Variants in MYBBP1A observed in about 807,000 individuals in gnomAD.
MYBBP1A encodes the protein MYB binding protein 1a.
In MYBBP1A, 147 loss-of-function variants were observed where a neutral mutation model predicts 136.3. The ratio of observed to expected loss-of-function variants is 1.08; its 90% confidence interval spans 0.94 to 1.24. The LOEUF (loss-of-function observed/expected upper bound fraction) is 1.24. Ranked by LOEUF, MYBBP1A falls within the 50% of genes most tolerant of loss-of-function variation. The pLI, the probability that MYBBP1A is intolerant of heterozygous loss-of-function variation, is 0.00. For missense variants in MYBBP1A, 2,060 were observed against 1,727.4 expected (o/e 1.19, Z -3.41); for synonymous variants, 947 against 735.8 (o/e 1.29, Z -4.65).
At position 4,545,006 on chromosome 17, in the gene MYBBP1A, C is replaced by G. The variant is rs375252504; in HGVS notation, c.2310+20G>C. On this transcript the variant is annotated intron_variant, in intron 17 of 25. Transcript: ENST00000254718. ...CCCGAGCCCTCCCCGGCCGCCCCCC[C>G]CTCCACCTCCCCCACTCACCAGCGC... is the stretch of plus-strand genomic sequence containing the variant. 3.2e-5 allele frequency: 48 copies of G among 1,477,898 alleles called. 1 individual carries two copies. The highest frequency in any genetic ancestry group is 6.6e-5 in the South Asian group (5 of 76,080). The allele number at this position is 1,477,898 out of a possible 1,614,324, so 91.5% of individuals were successfully genotyped here.
Position 4,554,019 on chromosome 17 carries a change from C to G in MYBBP1A, c.453G>C (p.Lys151Asn). The G allele has an allele frequency of 3.1e-6, 5 of 1,614,086 alleles. No homozygotes were observed. The highest frequency in any genetic ancestry group is 4.2e-6 in the Non-Finnish European group (5 of 1,180,028). ...LALFQSGRLV[K>N]DQEALMKSVK... ...CCCCCAGTCCCTCCAAAGCTCTTAC[C>G]TTCACCAGCCGACCTGACTGAAAGA... Residue 151 changes from lysine (K) to asparagine (N), a missense_variant and splice_region_variant, in exon 4 of 26, where the codon AAG (lysine) becomes AAC (asparagine). By Grantham distance (94) the Lys-to-Asn change is moderately conservative. Transcript: ENST00000254718.
chr17:4,554,328 A>G (rs2144510606), intron 2 of MYBBP1A, 50 bp from the exon 3 acceptor site: 20 of 1,531,760 alleles, frequency 1.3e-5, no homozygotes, highest in Non-Finnish European at 1.8e-5. Flanking sequence ...GAGTGGCCCA[A>G]CTACGTCTTC....
At position 4,542,229 on chromosome 17, in the gene MYBBP1A, G is replaced by A. The variant is rs1311452150; in HGVS notation, c.3087+235C>T. 3 of 592,280 alleles carry A rather than the reference G, an allele frequency of 5.1e-6. No individual in the cohort carries two copies. In the African/African-American group the frequency reaches 5.6e-5, roughly 11 times the overall value. 36.7% of individuals were successfully genotyped at this position (592,280 alleles called of 1,614,324 possible). On this transcript the variant is annotated intron_variant, in intron 22 of 25. Transcript: ENST00000254718. ...TGTGGCCAGATGGGCAGCAGTGGCTGCGGGAGTGAGGCTGGCCCTGCCCCC... is the reference window on the plus strand; with the variant it reads ...TGTGGCCAGATGGGCAGCAGTGGCTACGGGAGTGAGGCTGGCCCTGCCCCC...
intron 23 of MYBBP1A, 29 bp downstream of exon 23, chr17:4,541,755 G>T (rs960209265): frequency 1.3e-6 from 2 of 1,581,048 alleles, no homozygotes; most frequent in African/African-American, 2.7e-5. Context: ...TTCTGAGGGG[G>T]TGGGGAAAGG....
At chr17:4,540,154 G>A (rs767959020) in intron 25 of MYBBP1A, among the ~76,000 whole-genome samples, 187 bp from the exon 26 acceptor site, 11 of 73,266 alleles carry the variant, frequency 1.5e-4, no homozygotes, top group Non-Finnish European at 2.4e-4. Flanking sequence ...AGGGTCCTGC[G>A]AGGCTCCTGC....
intron 13 of MYBBP1A, among the ~76,000 whole-genome samples, 154 bp from the exon 14 acceptor site, chr17:4,546,096 C>G (rs1231468136): frequency 1.3e-5 from 2 of 152,110 alleles, no homozygotes; most frequent in Non-Finnish European, 2.9e-5. Context: ...CAATCCAGAA[C>G]AGAAGACCCC....
intron 25 of MYBBP1A, among the ~76,000 whole-genome samples, 185 bp from the exon 26 acceptor site, chr17:4,540,152 GCGAGGC>G (rs1567602135): frequency 8.3e-5 from 7 of 84,048 alleles, no homozygotes; most frequent in African/African-American, 2.9e-4. Context: ...CGAGGGTCCT[GCGAGGC>G]TCCTGCGAGG....
Position 4,540,503 on chromosome 17 carries a change from C to A in MYBBP1A, c.3298-19G>T. ...TCAGCTTCTGCAGAGGGTGGGAAGG[C>A]AGAGCTGTGGGGCCACAGAGGGCGG... On this transcript the variant is annotated intron_variant, in intron 24 of 25. Coordinates refer to ENST00000254718, the MANE Select transcript of MYBBP1A (RefSeq NM_014520.4). The A allele has an allele frequency of 6.3e-7, 1 of 1,595,730 alleles. No homozygotes were observed. The highest frequency in any genetic ancestry group is 8.5e-7 in the Non-Finnish European group (1 of 1,172,328).
Position 4,553,803 on chromosome 17 carries a change from C to T in MYBBP1A, c.561+7G>A. 3 of 1,612,974 alleles carry T rather than the reference C, an allele frequency of 1.9e-6. No individual in the cohort carries two copies. Among genetic ancestry groups the T allele is most frequent in the Non-Finnish European group, 2.5e-6 (3 of 1,179,212 alleles). The stretch of plus-strand genomic sequence containing the variant: ...TGCCTGGGCCCGCACAGCTGGGGAG[C>T]TCATACCTCGGAGAGGATGTCCACC... On this transcript the variant is annotated splice_region_variant and intron_variant, in intron 5 of 25. Coordinates refer to ENST00000254718, the MANE Select transcript of MYBBP1A (RefSeq NM_014520.4).
chr17:4,548,635 T>G lies in MYBBP1A; in HGVS notation c.1445A>C (p.His482Pro). Residue 482 changes from histidine to proline, a missense_variant, in exon 11 of 26, where the codon CAC becomes CCC. Transcript: ENST00000254718. The surrounding 1 kb of genome is among the most constrained non-coding windows in gnomAD (Gnocchi z 4.2). The part of the protein sequence containing the change: ...TEQVARFCLF[H>P]SFFVTKKPTS... ...GGGCTTCTTTGTGACAAAGAACGAG[T>G]GGAACAAACAAAACCTGGGGAGGGT... 6.2e-7 allele frequency: 1 copy of G among 1,613,710 alleles called. No individual in the cohort carries two copies. Among genetic ancestry groups the G allele is most frequent in the Non-Finnish European group, 8.5e-7 (1 of 1,179,892 alleles).
At chr17:4,545,790 A>G in intron 14 of MYBBP1A, 29 bp from the exon 15 acceptor site, 2 of 1,607,910 alleles carry the variant, frequency 1.2e-6, no homozygotes, top group Non-Finnish European at 1.7e-6. Flanking sequence ...GAGCCCGGAT[A>G]GGGGACCGCT....
In MYBBP1A at chr17:4,550,373, C is replaced by T. The variant is rs949311311; in HGVS notation, c.1024-20G>A. 35 of 1,595,874 alleles carry T rather than the reference C, an allele frequency of 2.2e-5. No homozygotes were observed. Among genetic ancestry groups the T allele is most frequent in the Non-Finnish European group, 2.7e-5 (32 of 1,170,456 alleles). On this transcript the variant is annotated intron_variant, in intron 8 of 25. Coordinates refer to ENST00000254718, the MANE Select transcript of MYBBP1A (RefSeq NM_014520.4). ...TGGGAGCTGCAAGAGTTAGGCATGG[C>T]GCTGAGCCCACCAGCCCAGGGGGGC... is the stretch of plus-strand genomic sequence containing the variant.
chr17:4,550,772 G>A (rs528373359), intron 8 of MYBBP1A, among the ~76,000 whole-genome samples: 3 of 152,390 alleles, frequency 2.0e-5, no homozygotes, highest in Admixed American at 6.5e-5. Flanking sequence ...ATTCCTAGCC[G>A]TGTCATCTTC....
Position 4,540,283 on chromosome 17 carries a change from T to TGCGCAGCAGC in MYBBP1A, c.3434+64_3434+65insGCTGCTGCGC, listed in dbSNP as rs1567602364. The TGCGCAGCAGC allele has an allele frequency of 5.2e-6, 8 of 1,530,658 alleles. No individual in the cohort carries two copies. The African/African-American group carries it at 9.6e-5, about 18-fold the overall frequency. 94.8% of individuals were successfully genotyped at this position (1,530,658 alleles called of 1,614,324 possible). ...GCAGCGTGTGTGCAGCGTGTGTGTG[T>TGCGCAGCAGC]GTGCAGCAGCGTGAGGGTGTTCCCA... On this transcript the variant is annotated intron_variant, in intron 25 of 25. Transcript: ENST00000254718.
rs901992089 is a variant in MYBBP1A, at chr17:4,548,435, C to A, written c.1556+89G>T. The A allele has an allele frequency of 6.2e-7, 1 of 1,608,240 alleles. No homozygotes were observed. The highest frequency in any genetic ancestry group is 8.5e-7 in the Non-Finnish European group (1 of 1,176,572). On this transcript the variant is annotated intron_variant, in intron 11 of 25. Coordinates refer to ENST00000254718, the MANE Select transcript of MYBBP1A (RefSeq NM_014520.4). This position sits in a 1 kb window ranked among gnomAD's most constrained non-coding sequence, Gnocchi z 4.2. ...CTACTAGAACTCCGGGGGCCTCTGC[C>A]GTTGTTCCCAGCTTAGGGGACCTGG...
In MYBBP1A at chr17:4,549,440, G is replaced by T; in HGVS notation, c.1322C>A (p.Pro441His). 2 of 1,612,212 alleles carry T rather than the reference G, an allele frequency of 1.2e-6. No individual in the cohort carries two copies. The highest frequency in any genetic ancestry group is 1.7e-6 in the Non-Finnish European group (2 of 1,179,766). Reference protein sequence around the residue: ...KKAQDSSLHMPERAVFRLRKW... With the variant: ...KKAQDSSLHMHERAVFRLRKW... Reference sequence around the variant, plus strand: ...CCTCAGCCGGAACACAGCTCGCTCAGGCCTAGCGGGGCAGGAGGCGAGGTC... The same window carrying T: ...CCTCAGCCGGAACACAGCTCGCTCATGCCTAGCGGGGCAGGAGGCGAGGTC... Residue 441 changes from proline (P) to histidine (H), a missense_variant and splice_region_variant, in exon 10 of 26, where the codon CCT (proline) becomes CAT (histidine). Pro to His is a moderately conservative substitution (Grantham distance 77). Coordinates refer to ENST00000254718, the MANE Select transcript of MYBBP1A (RefSeq NM_014520.4).
intron 3 of MYBBP1A, 32 bp downstream of exon 3, chr17:4,554,162 TG>T (rs1907804366): frequency 6.2e-7 from 1 of 1,613,182 alleles, no homozygotes; most frequent in Non-Finnish European, 8.5e-7. Context: ...CTCCCACCCC[TG>T]GGGCTGCTGA....
At position 4,541,794 on chromosome 17, in the gene MYBBP1A, T is replaced by C; in HGVS notation, c.3185A>G (p.Lys1062Arg). The C allele has an allele frequency of 6.2e-7, 1 of 1,613,848 alleles. No homozygotes were observed. The highest frequency in any genetic ancestry group is 8.5e-7 in the Non-Finnish European group (1 of 1,179,840). ...CCCCCCGGCTGTTACCTCGGTGACCTTTGCTAGGACCTGGCCCATCAGCTG... is the reference window on the plus strand; with the variant it reads ...CCCCCCGGCTGTTACCTCGGTGACCCTTGCTAGGACCTGGCCCATCAGCTG... ...WKQLMGQVLA[K>R]VTENLRVLGE... The change falls in exon 23 of 26, where the codon AAG (lysine) becomes AGG (arginine). Residue 1062 changes from lysine to arginine, a missense_variant. Coordinates refer to ENST00000254718, the MANE Select transcript of MYBBP1A (RefSeq NM_014520.4).
At position 4,545,529 on chromosome 17, in the gene MYBBP1A, G is replaced by T. The variant is rs139089039; in HGVS notation, c.2073+81C>A. On this transcript the variant is annotated intron_variant, in intron 15 of 25. Transcript: ENST00000254718. ...CCGCAGGCTCCCGGCAGGGAGGCTG[G>T]AGGCTGAAGCGGCACCCCTGGTGCA... is the stretch of plus-strand genomic sequence containing the variant. 111 of 1,521,568 alleles carry T rather than the reference G, an allele frequency of 7.3e-5. 2 individuals are homozygous for T. The African/African-American group carries it at 1.3e-3, about 18-fold the overall frequency. The allele number at this position is 1,521,568 out of a possible 1,614,324, so 94.3% of individuals were successfully genotyped here.
Sources: gnomAD v4.1 joint callset for allele counts (sites outside exome capture counted in the v4.1 genomes callset) on GRCh38, gnomAD v4.1.1 for gene constraint, Gnocchi (gnomAD v3.1) non-coding constraint, MANE v1.5 for transcripts, NCBI Gene and HGNC (gene_info 2026-07-23, HGNC 2026-07-21) for gene names.